FHIT: variants seen among roughly 807,000 people sequenced by gnomAD.
The protein encoded by FHIT is bis(5'-adenosyl)-triphosphatase.
A neutral mutation model predicts 17.9 loss-of-function variants in FHIT; 19 were observed. The observed-to-expected ratio is 1.06, with a 90% confidence interval of 0.74 to 1.56. The LOEUF is 1.56. Among genes scored for constraint, FHIT ranks in the 40% most tolerant of loss-of-function variants. The probability of loss-of-function intolerance (pLI) is 0.00; values close to 1 mark genes in which losing one functional copy is unlikely to be tolerated. For synonymous variants in FHIT, 81 were observed against 69.7 expected, an observed-to-expected ratio of 1.16 and a Z score of -0.81; for missense variants, 248 against 189.2, an observed-to-expected ratio of 1.31 and a Z score of -1.82.
At chr3:61,093,225 C>T (rs944288378) in intron 2 of FHIT, among the ~76,000 whole-genome samples, 3 of 152,030 alleles carry the variant, frequency 2.0e-5, no homozygotes, top group African/African-American at 4.8e-5. Context: ...CAACGATAAA[C>T]GTTTATAATT....
intron 4 of FHIT, among the ~76,000 whole-genome samples, chr3:60,564,835 C>A (rs1373750969): frequency 6.6e-6 from 1 of 152,088 alleles, no homozygotes; most frequent in Non-Finnish European, 1.5e-5. Context: ...AGAATTTGGA[C>A]CATTATACCA....
At position 59,747,280 on chromosome 3, in the gene FHIT, T is replaced by TTTATAAAGG. The variant is rs1439994187; in HGVS notation, c.*2296_*2304dup. 1.3e-5 allele frequency among the ~76,000 whole-genome samples: 2 copies of TTTATAAAGG among 152,130 alleles called. No homozygotes were observed. Among genetic ancestry groups the TTTATAAAGG allele is most frequent in the African/African-American group, 4.8e-5 (2 of 41,424 alleles). ...TAACCACACACTCAAGACTGGGTAA[T>TTTATAAAGG]TTATAAAGGAATGAGGTTTAATGGA... On this transcript the variant is annotated 3_prime_UTR_variant, in exon 10 of 10. Coordinates refer to ENST00000492590, the MANE Select transcript of FHIT (RefSeq NM_002012.4).
intron 4 of FHIT, among the ~76,000 whole-genome samples, chr3:60,718,423 C>T (rs916887380): frequency 6.6e-6 from 1 of 152,162 alleles, no homozygotes; most frequent in Non-Finnish European, 1.5e-5. Flanking sequence ...GCACAACTCA[C>T]CCCTTCCAGA....
intron 4 of FHIT, among the ~76,000 whole-genome samples, chr3:60,577,713 A>C (rs1350858999): frequency 1.3e-5 from 2 of 152,110 alleles, no homozygotes; most frequent in Non-Finnish European, 2.9e-5. Flanking sequence ...ATTTCTATTA[A>C]ATGAATATAT....
intron 5 of FHIT, among the ~76,000 whole-genome samples, chr3:60,535,645 A>T (rs1429276803): frequency 6.6e-6 from 1 of 152,026 alleles, no homozygotes; most frequent in African/African-American, 2.4e-5. Context: ...GACTCATTTA[A>T]AAGAAGAGTT....
intron 4 of FHIT, among the ~76,000 whole-genome samples, chr3:60,783,376 G>A (rs1390803227): frequency 6.6e-6 from 1 of 152,192 alleles, no homozygotes; most frequent in Admixed American, 6.5e-5. Context: ...TCTGTAGTCA[G>A]AGGTCAGAGG....
intron 3 of FHIT, among the ~76,000 whole-genome samples, chr3:60,863,449 A>T (rs1320069258): frequency 6.6e-6 from 1 of 152,214 alleles, no homozygotes; most frequent in African/African-American, 2.4e-5. Context: ...TTGTTATGAC[A>T]GTAATAGAAG....
intron 5 of FHIT, among the ~76,000 whole-genome samples, chr3:60,144,091 C>G (rs947652185): frequency 3.3e-5 from 5 of 152,124 alleles, no homozygotes; most frequent in African/African-American, 1.2e-4. Context: ...GTGCTTTATT[C>G]AAAAGATATC....
chr3:59,783,730 A>C (rs899935014), intron 8 of FHIT, among the ~76,000 whole-genome samples: 17 of 152,150 alleles, frequency 1.1e-4, no homozygotes, highest in African/African-American at 3.6e-4. Context: ...CTCCCCATCC[A>C]CAAACATCTC....
chr3:61,044,080 C>T (rs1024971481), intron 2 of FHIT, among the ~76,000 whole-genome samples: 5 of 152,144 alleles, frequency 3.3e-5, no homozygotes, highest in East Asian at 1.9e-4. Flanking sequence ...CTCTTCTCCT[C>T]GAAAGGAACG....
chr3:61,057,393 G>T (rs1165362425), intron 2 of FHIT, among the ~76,000 whole-genome samples: 1 of 152,130 alleles, frequency 6.6e-6, no homozygotes, highest in East Asian at 1.9e-4. Context: ...GTTACTCAAG[G>T]TTGGTCACAG....
Position 61,132,956 on chromosome 3 carries a change from G to A in FHIT, c.-164+67661C>T, listed in dbSNP as rs188660956. On this transcript the variant is annotated intron_variant, in intron 2 of 9. Transcript: ENST00000492590. ...GTAGGGAGTAGAAGCAGAAATTGCA[G>A]TGGCCCAGGATGAGAACAGAATATA... Among the ~76,000 whole-genome samples, 3 of 152,346 alleles carry A rather than the reference G, an allele frequency of 2.0e-5. No individual in the cohort carries two copies. The East Asian group carries it at 5.8e-4, about 29-fold the overall frequency.
intron 4 of FHIT, among the ~76,000 whole-genome samples, chr3:60,676,679 G>A (rs1577058802): frequency 1.3e-5 from 2 of 152,124 alleles, no homozygotes; most frequent in Non-Finnish European, 2.9e-5. Context: ...GCTAGGAAGA[G>A]GCCTACAGCC....
intron 8 of FHIT, among the ~76,000 whole-genome samples, chr3:59,839,987 C>T (rs994047966): frequency 3.3e-5 from 5 of 152,194 alleles, no homozygotes; most frequent in African/African-American, 7.2e-5. Flanking sequence ...TGTTTCACCA[C>T]TGAATCTCAC....
chr3:61,217,302 C>G (rs1214035419), intron 1 of FHIT, among the ~76,000 whole-genome samples: 1 of 152,184 alleles, frequency 6.6e-6, no homozygotes, highest in East Asian at 1.9e-4. Flanking sequence ...GGGCTGGAAT[C>G]ATCTGATATC....
intron 3 of FHIT, among the ~76,000 whole-genome samples, chr3:60,865,843 C>A (rs1469565532): frequency 6.6e-6 from 1 of 152,164 alleles, no homozygotes; most frequent in Non-Finnish European, 1.5e-5. Context: ...AGCTCTACTG[C>A]TGCTTAGAGA....
chr3:60,483,201 A>G (rs544921755), intron 5 of FHIT, among the ~76,000 whole-genome samples: 3 of 152,302 alleles, frequency 2.0e-5, no homozygotes, highest in African/African-American at 7.2e-5. Flanking sequence ...TCTACTGACC[A>G]AAAAAAGCCC....
intron 5 of FHIT, among the ~76,000 whole-genome samples, chr3:60,027,148 C>CACACACACAAAAAA (rs1553654525): frequency 8.0e-6 from 1 of 125,748 alleles, no homozygotes; most frequent in African/African-American, 2.7e-5. Context: ...CACACACACA[C>CACACACACAAAAAA]AAAATTAGTA....
intron 5 of FHIT, among the ~76,000 whole-genome samples, chr3:60,443,518 G>A (rs2031082068): frequency 1.3e-5 from 2 of 152,120 alleles, no homozygotes; most frequent in African/African-American, 2.4e-5. Flanking sequence ...TTTTCTGCAT[G>A]TATTGAGATA....
Sources: gnomAD v4.1 joint callset for allele counts (sites outside exome capture counted in the v4.1 genomes callset) on GRCh38, gnomAD v4.1.1 for gene constraint, MANE v1.5 for transcripts, NCBI Gene and HGNC (gene_info 2026-07-23, HGNC 2026-07-21) for gene names.